The following KCNH1 variants were observed in gnomAD, a reference collection of about 807,000 sequenced individuals.
The protein encoded by KCNH1 is potassium voltage-gated channel subfamily H member 1, also known as voltage-gated delayed rectifier potassium channel KCNH1.
In KCNH1, 27 loss-of-function variants were observed where a neutral mutation model predicts 69.2. The observed-to-expected ratio is 0.39, with a 90% CI of 0.29 to 0.54. The LOEUF (loss-of-function observed/expected upper bound fraction) is 0.54, where lower values mean the gene tolerates loss of function less well. KCNH1 is among the 20% of genes least tolerant of loss of function. The probability of loss-of-function intolerance (pLI) is 0.68; values close to 1 mark genes in which losing one functional copy is unlikely to be tolerated. For missense variants in KCNH1, 798 were observed against 1,261.6 expected (o/e 0.63, Z 5.57); for synonymous variants, 456 against 487.7 (o/e 0.93, Z 0.86).
intron 10 of KCNH1, among the ~76,000 whole-genome samples, chr1:210,763,345 T>C (rs1683560235): frequency 2.6e-5 from 4 of 152,084 alleles, no homozygotes; most frequent in Non-Finnish European, 5.9e-5. Context: ...ATCACTCCTA[T>C]TCAACATAGT....
chr1:210,995,149 A>T (rs1249480456), intron 6 of KCNH1, among the ~76,000 whole-genome samples: 1 of 152,172 alleles, frequency 6.6e-6, no homozygotes, highest in African/African-American at 2.4e-5. Flanking sequence ...AATATCACAC[A>T]ATTCTGACCA....
At chr1:210,976,739 G>A (rs548237290) in intron 6 of KCNH1, among the ~76,000 whole-genome samples, 8 of 149,134 alleles carry the variant, frequency 5.4e-5, no homozygotes, top group East Asian at 2.0e-4. Context: ...TTAAGAATAC[G>A]TGGCACATAC....
At chr1:211,073,141 T>C (rs928817716) in intron 5 of KCNH1, among the ~76,000 whole-genome samples, 2 of 152,136 alleles carry the variant, frequency 1.3e-5, no homozygotes, top group African/African-American at 4.8e-5. Context: ...AGAGGGGCAT[T>C]ATAATGATAA....
At chr1:210,859,333 T>A in intron 7 of KCNH1, 1 of 1,528,490 alleles carries the variant, frequency 6.5e-7, no homozygotes, top group Non-Finnish European at 9.1e-7. Flanking sequence ...TCTTTGTTCT[T>A]CATTAAGACC....
At chr1:210,853,761 T>G (rs1685762291) in intron 7 of KCNH1, among the ~76,000 whole-genome samples, 1 of 152,056 alleles carries the variant, frequency 6.6e-6, no homozygotes, top group East Asian at 1.9e-4. Context: ...AGTCCTGTCT[T>G]TCTGATCAAT....
rs577416662 is a variant in KCNH1, at chr1:210,865,795, T to TC, written c.1462+53844dup. On this transcript the variant is annotated intron_variant, in intron 7 of 10. Transcript: ENST00000271751. ...TGGAATAAGGCCTCTCTCTTACTTT[T>TC]CCCCCAACTCTTTAAGACAGACAGT... 2.2e-3 allele frequency among the ~76,000 whole-genome samples: 338 copies of TC among 152,304 alleles called. 3 individuals carry two copies. The highest frequency in any genetic ancestry group is 8.0e-3 in the African/African-American group (333 of 41,552).
At chr1:211,130,063 A>G (rs561876609) in intron 1 of KCNH1, among the ~76,000 whole-genome samples, 1 of 152,322 alleles carries the variant, frequency 6.6e-6, no homozygotes, top group African/African-American at 2.4e-5. Flanking sequence ...TGCTTCAGCA[A>G]ACATTCTGAC....
At chr1:210,774,931 A>G (rs1558464296) in intron 10 of KCNH1, among the ~76,000 whole-genome samples, 1 of 152,208 alleles carries the variant, frequency 6.6e-6, no homozygotes, top group South Asian at 2.1e-4. Context: ...ACTAGCTGGC[A>G]GGCTAATGGC....
intron 6 of KCNH1, among the ~76,000 whole-genome samples, chr1:210,996,713 GC>G (rs1558559940): frequency 6.6e-6 from 1 of 152,226 alleles, no homozygotes; most frequent in Non-Finnish European, 1.5e-5. Flanking sequence ...CCCCTGAGCA[GC>G]CTAACTGGGA....
intron 1 of KCNH1, among the ~76,000 whole-genome samples, chr1:211,109,330 T>C (rs1305313790): frequency 6.6e-6 from 1 of 152,178 alleles, no homozygotes; most frequent in Non-Finnish European, 1.5e-5. Context: ...GGGAAGGATC[T>C]GGAATGAATA....
intron 7 of KCNH1, among the ~76,000 whole-genome samples, chr1:210,910,686 G>A (rs569810111): frequency 2.4e-4 from 36 of 152,340 alleles, no homozygotes; most frequent in African/African-American, 8.7e-4. Flanking sequence ...TGACCTCCCT[G>A]AGCCTTAGTT....
intron 1 of KCNH1, among the ~76,000 whole-genome samples, chr1:211,111,803 T>C (rs1369592930): frequency 4.8e-5 from 5 of 103,610 alleles, no homozygotes; most frequent in Admixed American, 2.3e-4. Context: ...GCCTGGCTAC[T>C]GCACCGTCTA....
At position 210,920,981 on chromosome 1, in the gene KCNH1, T is replaced by C. The variant is rs1687447867; in HGVS notation, c.1033-912A>G. ...AATAGTAGTTATCTAGGGAACAGCA[T>C]TGTGGTAGTGAAAAAAACACTCGAG... On this transcript the variant is annotated intron_variant, in intron 6 of 10. Coordinates refer to ENST00000271751, the MANE Select transcript of KCNH1 (RefSeq NM_172362.3). Among the ~76,000 whole-genome samples, 2 of 152,214 alleles carry C rather than the reference T, an allele frequency of 1.3e-5. 1 individual carries two copies. The highest frequency in any genetic ancestry group is 4.1e-4 in the South Asian group (2 of 4,838).
In KCNH1 at chr1:210,755,860, A is replaced by G. The variant is rs1271016133; in HGVS notation, c.2112+19488T>C. 3.3e-5 allele frequency among the ~76,000 whole-genome samples: 5 copies of G among 152,200 alleles called. No individual in the cohort carries two copies. In the East Asian group the frequency reaches 9.6e-4, roughly 29 times the overall value. ...CCTCCCCACAGTGAAGTGAAAACCA[A>G]AGAGAGAACATTATCAGAGAAAAGC... On this transcript the variant is annotated intron_variant, in intron 10 of 10. Transcript: ENST00000271751.
At chr1:210,898,693 C>G (rs778009663) in intron 7 of KCNH1, among the ~76,000 whole-genome samples, 6 of 151,286 alleles carry the variant, frequency 4.0e-5, no homozygotes, top group Non-Finnish European at 7.4e-5. Context: ...GGGGGGGGTC[C>G]TGTCAACCAC....
chr1:210,964,878 CA>C (rs1688369732), intron 6 of KCNH1, among the ~76,000 whole-genome samples: 1 of 152,162 alleles, frequency 6.6e-6, no homozygotes, highest in Non-Finnish European at 1.5e-5. Flanking sequence ...CCGAATCCAG[CA>C]GCACATCAAA....
intron 10 of KCNH1, among the ~76,000 whole-genome samples, chr1:210,685,708 C>T (rs1681394151): frequency 7.4e-6 from 1 of 135,704 alleles, no homozygotes; most frequent in African/African-American, 2.5e-5. Flanking sequence ...TGTCCTTGAC[C>T]TTTCACAGCC....
intron 6 of KCNH1, among the ~76,000 whole-genome samples, chr1:210,983,649 G>C (rs942965575): frequency 3.3e-5 from 5 of 152,214 alleles, no homozygotes; most frequent in Non-Finnish European, 7.3e-5. Flanking sequence ...TTTGGTACCA[G>C]TACCATGCTG....
chr1:210,994,261 A>G (rs1242841889), intron 6 of KCNH1, among the ~76,000 whole-genome samples: 2 of 152,146 alleles, frequency 1.3e-5, no homozygotes, highest in Non-Finnish European at 2.9e-5. Flanking sequence ...ATCTCATGTG[A>G]TCTTGATTCA....
Sources: gnomAD v4.1 joint callset for allele counts (sites outside exome capture counted in the v4.1 genomes callset) on GRCh38, gnomAD v4.1.1 for gene constraint, MANE v1.5 for transcripts, NCBI Gene and HGNC (gene_info 2026-07-23, HGNC 2026-07-21) for gene names.